Variants in TGM6 observed in about 807,000 individuals in gnomAD.
TGM6 encodes protein-glutamine gamma-glutamyltransferase 6.
TGM6 carries 74 observed loss-of-function variants against 77.5 expected under a neutral mutation model. That is an observed-to-expected ratio of 0.96 (90% CI 0.79 to 1.16). The LOEUF is 1.16. Ranked by LOEUF, TGM6 falls within the 50% of genes most tolerant of loss-of-function variation. The pLI is 0.00. For missense variants in TGM6, 968 were observed against 940.2 expected (o/e 1.03, Z -0.39); for synonymous variants, 383 against 378.9 (o/e 1.01, Z -0.12).
intron 9 of TGM6, among the ~76,000 whole-genome samples, chr20:2,409,073 T>C (rs1396114042): frequency 6.6e-6 from 1 of 152,218 alleles, no homozygotes; most frequent in Non-Finnish European, 1.5e-5. Context: ...ATTGACCATA[T>C]GCTCAGCCAT....
chr20:2,396,666 A>G, intron 4 of TGM6, 42 bp downstream of exon 4: 1 of 1,594,708 alleles, frequency 6.3e-7, no homozygotes, highest in Non-Finnish European at 8.6e-7. Flanking sequence ...GGGCTGGGGC[A>G]TGGGGAGGTC....
intron 9 of TGM6, among the ~76,000 whole-genome samples, chr20:2,415,816 G>T (rs929074333): frequency 6.6e-6 from 1 of 152,114 alleles, no homozygotes; most frequent in Non-Finnish European, 1.5e-5. Context: ...TGAGACACCT[G>T]GGGGGCGCTG....
intron 9 of TGM6, among the ~76,000 whole-genome samples, chr20:2,415,421 G>A (rs1282857868): frequency 1.3e-5 from 2 of 152,192 alleles, no homozygotes; most frequent in African/African-American, 2.4e-5. Flanking sequence ...ACATTCCCAG[G>A]AAGGGAGGGG....
At chr20:2,413,382 C>G (rs1206641937) in intron 9 of TGM6, among the ~76,000 whole-genome samples, 1 of 152,144 alleles carries the variant, frequency 6.6e-6, no homozygotes, top group African/African-American at 2.4e-5. Flanking sequence ...GTACTCCACC[C>G]TGGGTGACAG....
rs753247465 is a variant in TGM6, at chr20:2,417,381, G to A, written c.1486G>A (p.Ala496Thr). The A allele has an allele frequency of 4.3e-6, 7 of 1,613,578 alleles. No individual in the cohort carries two copies. The highest frequency in any genetic ancestry group is 4.5e-5 in the East Asian group (2 of 44,884). Residue 496 changes from alanine to threonine, a missense_variant, in exon 10 of 13, where the codon GCT becomes ACT. By Grantham distance (58) the Ala-to-Thr change is moderately conservative. Coordinates refer to ENST00000202625, the MANE Select transcript of TGM6 (RefSeq NM_198994.3). ...GGAGCCTGCCACCAAGCCCAGCATC[G>A]CTGGCAAGTTCAAGGTGCTAGAGCC... ...LLEPATKPSI[A>T]GKFKVLEPPM...
chr20:2,422,492 A>G (rs2084863199), intron 10 of TGM6, among the ~76,000 whole-genome samples: 2 of 152,238 alleles, frequency 1.3e-5, no homozygotes, highest in Non-Finnish European at 1.5e-5. Context: ...TATTGCAATA[A>G]AGCAAGTCAC....
At chr20:2,421,849 C>T (rs1176912354) in intron 10 of TGM6, among the ~76,000 whole-genome samples, 1 of 151,976 alleles carries the variant, frequency 6.6e-6, no homozygotes, top group African/African-American at 2.4e-5. Flanking sequence ...AAAAAATTAC[C>T]GGCTGGATGT....
intron 10 of TGM6, among the ~76,000 whole-genome samples, chr20:2,421,596 CCAGGT>C (rs1208255827): frequency 5.3e-5 from 8 of 152,154 alleles, no homozygotes; most frequent in Non-Finnish European, 1.0e-4. Flanking sequence ...GGTGAGGTGT[CCAGGT>C]CTTTTGCCCA....
intron 9 of TGM6, among the ~76,000 whole-genome samples, chr20:2,416,783 T>G (rs2084819090): frequency 6.6e-6 from 1 of 152,206 alleles, no homozygotes; most frequent in Non-Finnish European, 1.5e-5. Flanking sequence ...TAAGGGAGCA[T>G]GAATGGAATT....
At chr20:2,396,433 C>G (rs1204573200) in intron 3 of TGM6, 73 bp from the exon 4 acceptor site, 2 of 1,482,372 alleles carry the variant, frequency 1.3e-6, no homozygotes, top group African/African-American at 2.8e-5. Context: ...CTGCTGATCC[C>G]TGATGCAGCC....
rs565160775 is a variant in TGM6 at position 2,420,230 on chromosome 20, G to A, written c.1678+2657G>A. On this transcript the variant is annotated intron_variant, in intron 10 of 12. Coordinates refer to ENST00000202625, the MANE Select transcript of TGM6 (RefSeq NM_198994.3). The stretch of plus-strand genomic sequence containing the variant: ...ACTGCACTCCAGCCTGGGCAACAGA[G>A]AGAGACTCTTGTCTAAAAAAACAAA... 8.4e-4 allele frequency among the ~76,000 whole-genome samples: 127 copies of A among 152,070 alleles called. 1 individual carries two copies. Among genetic ancestry groups the A allele is most frequent in the African/African-American group, 2.7e-3 (113 of 41,464 alleles).
chr20:2,403,554 C>A (rs1173079631), intron 8 of TGM6, 27 bp from the exon 9 acceptor site: 2 of 1,614,176 alleles, frequency 1.2e-6, no homozygotes, highest in East Asian at 2.2e-5. Flanking sequence ...CTTACCCATG[C>A]TGCTCATGCC....
intron 1 of TGM6, 143 bp from the exon 2 acceptor site, chr20:2,394,309 A>G: frequency 9.7e-7 from 1 of 1,030,014 alleles, no homozygotes; most frequent in Non-Finnish European, 1.4e-6. Flanking sequence ...AAACAAACAA[A>G]CAAACAAACA....
chr20:2,421,278 C>T (rs929552865), intron 10 of TGM6, among the ~76,000 whole-genome samples: 44 of 152,314 alleles, frequency 2.9e-4, no homozygotes, highest in African/African-American at 1.1e-3. Flanking sequence ...AGCCGCCGTG[C>T]CCGGCTCGAA....
intron 9 of TGM6, 124 bp downstream of exon 9, chr20:2,403,947 T>A (rs905424920): frequency 1.5e-5 from 22 of 1,512,746 alleles, no homozygotes; most frequent in Middle Eastern, 2.1e-4. Flanking sequence ...GCAGCTTCCA[T>A]TCACGTTGTC....
intron 9 of TGM6, 23 bp from the exon 10 acceptor site, chr20:2,417,209 T>C: frequency 6.4e-7 from 1 of 1,573,140 alleles, no homozygotes; most frequent in Non-Finnish European, 8.6e-7. Flanking sequence ...TGCCTGCCGC[T>C]GACGTTGTGT....
At chr20:2,396,176 A>G (rs1461082437) in intron 3 of TGM6, among the ~76,000 whole-genome samples, 3 of 75,570 alleles carry the variant, frequency 4.0e-5, no homozygotes, top group Non-Finnish European at 9.0e-5. Context: ...GCAAAACTCT[A>G]TCTCAAAAAA....
chr20:2,410,787 A>G (rs2084780122), intron 9 of TGM6, among the ~76,000 whole-genome samples: 1 of 152,238 alleles, frequency 6.6e-6, no homozygotes, highest in Admixed American at 6.5e-5. Flanking sequence ...CAGAATTGCT[A>G]TAATTAATGA....
intron 9 of TGM6, among the ~76,000 whole-genome samples, chr20:2,406,936 T>C (rs6048754): frequency 0.46 from 68,539 of 149,422 alleles, 17,341 homozygotes; most frequent in African/African-American, 0.68. Context: ...TACTGAGCGC[T>C]GGCTGTGGGC....
Sources: gnomAD v4.1 joint callset for allele counts (sites outside exome capture counted in the v4.1 genomes callset) on GRCh38, gnomAD v4.1.1 for gene constraint, MANE v1.5 for transcripts, NCBI Gene and HGNC (gene_info 2026-07-23, HGNC 2026-07-21) for gene names.